UMAD1: variants seen among roughly 807,000 people sequenced by gnomAD.
The protein encoded by UMAD1 is UBAP1-MVB12-associated (UMA) domain containing 1.
In UMAD1, 8 loss-of-function variants were observed where a neutral mutation model predicts 6.1. The ratio of observed to expected loss-of-function variants is 1.30; its 90% CI spans 0.76 to 2.35. The LOEUF (loss-of-function observed/expected upper bound fraction) is 2.35. UMAD1 is among the 30% of genes most tolerant of loss of function. UMAD1 has a pLI of 0.00. For synonymous variants in UMAD1, 56 were observed against 31.4 expected, an observed-to-expected ratio of 1.78 and a Z score of -2.61; for missense variants, 130 against 78.4, an observed-to-expected ratio of 1.66 and a Z score of -2.49.
At chr7:7,875,366 A>G (rs923048251) in intron 3 of UMAD1, among the ~76,000 whole-genome samples, 9 of 152,240 alleles carry the variant, frequency 5.9e-5, no homozygotes, top group African/African-American at 2.2e-4. Context: ...AGATAGAGAC[A>G]TGAAAAACCC....
intron 2 of UMAD1, among the ~76,000 whole-genome samples, chr7:7,749,839 G>T (rs879716529): frequency 2.1e-4 from 32 of 152,098 alleles, no homozygotes; most frequent in Admixed American, 3.9e-4. Context: ...GTTTATCTAA[G>T]TTCTGTAAAA....
intron 2 of UMAD1, chr7:7,687,340 A>G (rs1056714581): frequency 2.6e-5 from 4 of 152,216 alleles, no homozygotes; most frequent in Non-Finnish European, 5.9e-5. Flanking sequence ...TGCACTGACA[A>G]AAGGGAGTAC....
chr7:7,694,480 A>G (rs1780258750), intron 2 of UMAD1, among the ~76,000 whole-genome samples: 1 of 152,100 alleles, frequency 6.6e-6, no homozygotes, highest in South Asian at 2.1e-4. Flanking sequence ...TACTTATTGT[A>G]TCAAACTATG....
intron 2 of UMAD1, among the ~76,000 whole-genome samples, chr7:7,785,534 A>G (rs1782445722): frequency 1.3e-5 from 2 of 152,208 alleles, no homozygotes; most frequent in Non-Finnish European, 2.9e-5. Flanking sequence ...CCATAAAATA[A>G]TTGTGGGATG....
chr7:7,834,094 C>T (rs1019096858), intron 3 of UMAD1, among the ~76,000 whole-genome samples: 1 of 145,452 alleles, frequency 6.9e-6, no homozygotes, highest in Non-Finnish European at 1.5e-5. Context: ...GTGATCTCAG[C>T]TCACTGCAAA....
intron 2 of UMAD1, among the ~76,000 whole-genome samples, chr7:7,762,894 G>T (rs895720899): frequency 2.0e-5 from 3 of 152,104 alleles, no homozygotes; most frequent in Non-Finnish European, 4.4e-5. Flanking sequence ...AAAATGCATT[G>T]AATAACATTA....
At chr7:7,837,453 A>G (rs915511709) in intron 3 of UMAD1, among the ~76,000 whole-genome samples, 3 of 152,158 alleles carry the variant, frequency 2.0e-5, no homozygotes, top group Admixed American at 6.6e-5. Context: ...CTTATAGCCA[A>G]CAACTCCGTA....
intron 2 of UMAD1, among the ~76,000 whole-genome samples, chr7:7,682,618 T>C (rs572877274): frequency 3.9e-5 from 6 of 152,296 alleles, no homozygotes; most frequent in African/African-American, 1.4e-4. Context: ...AAACAGGTTT[T>C]CAACATGTGC....
intron 1 of UMAD1, among the ~76,000 whole-genome samples, chr7:7,643,667 G>C (rs186494334): frequency 1.3e-5 from 2 of 150,194 alleles, no homozygotes; most frequent in East Asian, 3.9e-4. Context: ...AGCCGAGATC[G>C]CGCCACTTCA....
chr7:7,855,505 TG>T (rs2115327838), intron 3 of UMAD1, among the ~76,000 whole-genome samples: 1 of 152,358 alleles, frequency 6.6e-6, no homozygotes, highest in East Asian at 1.9e-4. Flanking sequence ...CGGCCTGAGT[TG>T]TACCTTGGCC....
intron 2 of UMAD1, among the ~76,000 whole-genome samples, chr7:7,723,093 C>T (rs1339553989): frequency 1.3e-5 from 2 of 152,188 alleles, no homozygotes; most frequent in Admixed American, 1.3e-4. Flanking sequence ...GAGCCACTGC[C>T]AACATCCCTG....
intron 3 of UMAD1, among the ~76,000 whole-genome samples, chr7:7,823,666 A>G (rs967277851): frequency 1.3e-5 from 2 of 152,116 alleles, no homozygotes; most frequent in South Asian, 2.1e-4. Flanking sequence ...TTTCTTTTTT[A>G]TTTTTGAAAA....
chr7:7,739,828 T>G (rs17137046), intron 2 of UMAD1, among the ~76,000 whole-genome samples: 13,311 of 152,290 alleles, frequency 0.087, 688 homozygotes, highest in African/African-American at 0.14. Context: ...GCTGGCTATT[T>G]AGTAGTTAGA....
chr7:7,796,106 A>T (rs894038882), intron 2 of UMAD1, among the ~76,000 whole-genome samples: 1 of 152,096 alleles, frequency 6.6e-6, no homozygotes, highest in African/African-American at 2.4e-5. Context: ...CCTGGAGTGA[A>T]TGTTAATGGA....
intron 3 of UMAD1, among the ~76,000 whole-genome samples, chr7:7,847,850 C>T (rs948155779): frequency 2.6e-5 from 4 of 152,092 alleles, no homozygotes; most frequent in African/African-American, 9.7e-5. Flanking sequence ...CCAGGATGCA[C>T]ATTTTTTAAC....
chr7:7,646,115 A>G (rs920215999), intron 1 of UMAD1, among the ~76,000 whole-genome samples: 1 of 152,146 alleles, frequency 6.6e-6, no homozygotes, highest in Non-Finnish European at 1.5e-5. Flanking sequence ...CCGTCTGGGA[A>G]TGGCTTAAGT....
intron 3 of UMAD1, among the ~76,000 whole-genome samples, chr7:7,814,769 A>G (rs1583845667): frequency 1.3e-5 from 2 of 152,148 alleles, no homozygotes; most frequent in Admixed American, 6.5e-5. Flanking sequence ...AACGTGTGTG[A>G]CATTGAGTAC....
intron 3 of UMAD1, among the ~76,000 whole-genome samples, chr7:7,846,547 A>C (rs1783786532): frequency 1.3e-5 from 2 of 152,150 alleles, no homozygotes; most frequent in African/African-American, 4.8e-5. Flanking sequence ...TACTATCTTA[A>C]AAAGCTCAGC....
intron 2 of UMAD1, among the ~76,000 whole-genome samples, chr7:7,682,953 AC>A (rs1373647368): frequency 6.6e-6 from 1 of 152,194 alleles, no homozygotes; most frequent in Non-Finnish European, 1.5e-5. Flanking sequence ...ATTCTGGTTT[AC>A]CTGTTAATCT....
Sources: allele counts gnomAD v4.1 joint callset (sites outside exome capture counted in the v4.1 genomes callset), GRCh38; gene constraint gnomAD v4.1.1; transcripts MANE v1.5; gene names NCBI Gene and HGNC (gene_info 2026-07-23, HGNC 2026-07-21).